The following LIPC variants were observed in gnomAD, a reference collection of about 807,000 sequenced individuals.
The protein encoded by LIPC is lipase C, hepatic type, also known as hepatic triacylglycerol lipase.
A neutral mutation model predicts 50.7 loss-of-function variants in LIPC; 44 were observed. The ratio of observed to expected loss-of-function variants is 0.87; its 90% CI spans 0.68 to 1.11. The LOEUF (loss-of-function observed/expected upper bound fraction) is 1.11. Ranked by LOEUF, LIPC falls within the 50% of genes most tolerant of loss-of-function variation. LIPC has a pLI of 0.00. For synonymous variants in LIPC, 271 were observed against 256.4 expected (o/e 1.06, Z -0.54); for missense variants, 697 against 648.2 (o/e 1.08, Z -0.82).
At chr15:58,519,252 CA>C (rs1475073285) in intron 1 of LIPC, among the ~76,000 whole-genome samples, 2 of 150,622 alleles carry the variant, frequency 1.3e-5, no homozygotes, top group African/African-American at 2.4e-5. Flanking sequence ...ACTAAAAATA[CA>C]AAAAAAAATT....
At position 58,545,876 on chromosome 15, in the gene LIPC, C is replaced by T. The variant is rs753712250; in HGVS notation, c.709C>T (p.Pro237Ser). ...HMGLSVGIKQ[P>S]IGHYDFYPNG... is the part of the protein sequence containing the mutation. Reference sequence around the variant, plus strand: ...GGGCCTGAGCGTGGGCATCAAACAGCCCATAGGACACTATGACTTCTATCC... The same window carrying T: ...GGGCCTGAGCGTGGGCATCAAACAGTCCATAGGACACTATGACTTCTATCC... Residue 237 changes from proline (P) to serine (S), a missense_variant, in exon 5 of 9, where the codon CCC becomes TCC. Physicochemically the swap from Pro to Ser is moderately conservative, Grantham distance 74. Transcript: ENST00000299022. 6.2e-7 allele frequency: 1 copy of T among 1,614,128 alleles called. No individual in the cohort carries two copies. Among genetic ancestry groups the T allele is most frequent in the Non-Finnish European group, 8.5e-7 (1 of 1,180,010 alleles).
intron 4 of LIPC, among the ~76,000 whole-genome samples, chr15:58,544,099 G>A (rs1893435926): frequency 6.6e-6 from 1 of 152,182 alleles, no homozygotes; most frequent in African/African-American, 2.4e-5. Flanking sequence ...GGGGAAGCCT[G>A]GTCACAGACC....
At chr15:58,500,248 C>T (rs140790102) in intron 1 of LIPC, among the ~76,000 whole-genome samples, 13 of 152,232 alleles carry the variant, frequency 8.5e-5, no homozygotes, top group African/African-American at 3.1e-4. Context: ...CCCTGAGGCT[C>T]AGTTTCCTCG....
intron 6 of LIPC, among the ~76,000 whole-genome samples, chr15:58,559,554 A>G (rs961808598): frequency 2.6e-5 from 4 of 152,180 alleles, no homozygotes; most frequent in Non-Finnish European, 5.9e-5. Flanking sequence ...TGGAATTAAC[A>G]TGCCGTATTA....
chr15:58,450,981 G>C (rs1379273150), intron 1 of LIPC, among the ~76,000 whole-genome samples: 1 of 152,202 alleles, frequency 6.6e-6, no homozygotes, highest in Non-Finnish European at 1.5e-5. Context: ...TATAAGCCAT[G>C]ATGAGGCTGC....
intron 1 of LIPC, chr15:58,454,622 A>G (rs917953695): frequency 2.0e-5 from 3 of 152,260 alleles, no homozygotes; most frequent in Non-Finnish European, 4.4e-5. Context: ...ACCACAGTGC[A>G]TGGCAATTTT....
At chr15:58,456,268 TA>T (rs1389755398) in intron 1 of LIPC, 1 of 152,022 alleles carries the variant, frequency 6.6e-6, no homozygotes, top group African/African-American at 2.4e-5. Context: ...AAAGAAAAAG[TA>T]GAATGCAAAA....
intron 1 of LIPC, among the ~76,000 whole-genome samples, chr15:58,495,561 C>G (rs1891736476): frequency 6.6e-6 from 1 of 152,218 alleles, no homozygotes; most frequent in African/African-American, 2.4e-5. Flanking sequence ...ACTGTTCTAC[C>G]TCATTAAAAC....
At chr15:58,528,030 C>T (rs547728325) in intron 1 of LIPC, among the ~76,000 whole-genome samples, 2 of 151,996 alleles carry the variant, frequency 1.3e-5, no homozygotes, top group Non-Finnish European at 2.9e-5. Flanking sequence ...ATCCCAGCTA[C>T]TCGGGAGGCC....
Position 58,540,325 on chromosome 15 carries a change from G to C in LIPC, c.274-1460G>C, listed in dbSNP as rs553470762. Among the ~76,000 whole-genome samples the C allele has an allele frequency of 5.4e-4, 82 of 152,298 alleles. 2 individuals carry two copies. The South Asian group carries it at 0.015, about 27-fold the overall frequency. ...ACAACAACTGCAGTAACGAACATTT[G>C]TTGAGTCCTTACTATGTTCCAGACA... On this transcript the variant is annotated intron_variant, in intron 2 of 8. Coordinates refer to ENST00000299022, the MANE Select transcript of LIPC (RefSeq NM_000236.3).
chr15:58,458,269 G>C (rs1231126394), intron 1 of LIPC, among the ~76,000 whole-genome samples: 3 of 152,108 alleles, frequency 2.0e-5, no homozygotes. Context: ...TAAATGTGAA[G>C]TTCACAGACT....
intron 1 of LIPC, among the ~76,000 whole-genome samples, chr15:58,447,104 G>A (rs1233134160): frequency 7.7e-6 from 1 of 130,400 alleles, no homozygotes; most frequent in Non-Finnish European, 1.5e-5. Context: ...AGCCGAGATT[G>A]CGCCACTGCA....
chr15:58,490,880 G>A (rs1436212257), intron 1 of LIPC, among the ~76,000 whole-genome samples: 1 of 152,156 alleles, frequency 6.6e-6, no homozygotes, highest in African/African-American at 2.4e-5. Flanking sequence ...TGAGAGCCCA[G>A]AGCCTGAGAA....
At chr15:58,459,769 C>T (rs1300623111) in intron 1 of LIPC, among the ~76,000 whole-genome samples, 11 of 152,238 alleles carry the variant, frequency 7.2e-5, no homozygotes, top group East Asian at 5.8e-4. Context: ...GACGCCTGCA[C>T]GGGAACAGAT....
intron 1 of LIPC, among the ~76,000 whole-genome samples, chr15:58,489,014 T>G (rs185645341): frequency 1.3e-5 from 2 of 152,304 alleles, no homozygotes; most frequent in Admixed American, 6.5e-5. Flanking sequence ...AGTGTGCATC[T>G]GCAAGTGCAT....
chr15:58,492,383 A>G (rs1891617162), intron 1 of LIPC, among the ~76,000 whole-genome samples: 1 of 152,228 alleles, frequency 6.6e-6, no homozygotes, highest in East Asian at 1.9e-4. Flanking sequence ...ATACATAGCC[A>G]TAATATAAAC....
chr15:58,515,533 C>CACACATATATATATATATATAT (rs147594972), intron 1 of LIPC, among the ~76,000 whole-genome samples: 20 of 141,694 alleles, frequency 1.4e-4, no homozygotes, highest in African/African-American at 5.4e-4. Context: ...TATACACACA[C>CACACATATATATATATATATAT]ATATATATAT....
At chr15:58,465,485 A>G (rs1267966850) in intron 1 of LIPC, among the ~76,000 whole-genome samples, 1 of 152,208 alleles carries the variant, frequency 6.6e-6, no homozygotes, top group African/African-American at 2.4e-5. Flanking sequence ...ACAGTGATCA[A>G]TTATAGATTG....
intron 1 of LIPC, chr15:58,454,966 CCT>C (rs1388156255): frequency 6.6e-6 from 1 of 152,194 alleles, no homozygotes; most frequent in African/African-American, 2.4e-5. Flanking sequence ...ACTCAAAACT[CCT>C]CTGTTCTCAT....
Sources: allele counts gnomAD v4.1 joint callset (sites outside exome capture counted in the v4.1 genomes callset), GRCh38; gene constraint gnomAD v4.1.1; transcripts MANE v1.5; gene names NCBI Gene and HGNC (gene_info 2026-07-23, HGNC 2026-07-21).